Variants in DLGAP2 observed in about 807,000 individuals in gnomAD.
The protein encoded by DLGAP2 is DLG associated protein 2.
Under a neutral mutation model 100.3 loss-of-function variants are expected in DLGAP2, and 26 were observed. The observed-to-expected ratio is 0.26, with a 90% confidence interval of 0.19 to 0.36. The LOEUF is 0.36. Ranked by LOEUF, DLGAP2 falls within the 10% of genes least tolerant of loss-of-function variation. DLGAP2 has a pLI of 1.00. For missense variants in DLGAP2, 1,858 were observed against 1,453.2 expected, an observed-to-expected ratio of 1.28 and a Z score of -4.53; for synonymous variants, 886 against 630.1, an observed-to-expected ratio of 1.41 and a Z score of -6.08.
At chr8:1,249,041 A>C (rs914235803) in intron 2 of DLGAP2, among the ~76,000 whole-genome samples, 1 of 152,194 alleles carries the variant, frequency 6.6e-6, no homozygotes, top group Non-Finnish European at 1.5e-5. Context: ...TGCTGCTGTG[A>C]CATTGAAGAG....
chr8:1,145,299 C>A (rs1009347185), intron 2 of DLGAP2, among the ~76,000 whole-genome samples: 26 of 152,174 alleles, frequency 1.7e-4, no homozygotes, highest in Non-Finnish European at 3.2e-4. Context: ...CAGGAAGCCG[C>A]TGTTTTTAAT....
At chr8:1,287,500 C>G (rs1297238998) in intron 3 of DLGAP2, among the ~76,000 whole-genome samples, 20,881 of 37,866 alleles carry the variant, frequency 0.55, 4,105 homozygotes, top group African/African-American at 0.63. Context: ...GTGTGTGGTT[C>G]TGTTAGGAGG....
At chr8:1,328,473 C>G (rs140117752) in intron 3 of DLGAP2, among the ~76,000 whole-genome samples, 1 of 151,948 alleles carries the variant, frequency 6.6e-6, no homozygotes. Flanking sequence ...TCATGCCTGA[C>G]TAATTTGTGT....
intron 2 of DLGAP2, among the ~76,000 whole-genome samples, chr8:1,127,953 T>C (rs1005334413): frequency 6.6e-6 from 1 of 152,242 alleles, no homozygotes; most frequent in African/African-American, 2.4e-5. Context: ...TGTTCTAAAA[T>C]AGATTCTCAT....
At chr8:1,265,526 G>C (rs1164629062) in intron 3 of DLGAP2, among the ~76,000 whole-genome samples, 1 of 152,208 alleles carries the variant, frequency 6.6e-6, no homozygotes, top group East Asian at 1.9e-4. Flanking sequence ...GGGGAGAAAG[G>C]AGAAGCAGCA....
intron 3 of DLGAP2, among the ~76,000 whole-genome samples, chr8:1,320,696 C>G (rs1800876375): frequency 6.6e-6 from 1 of 152,198 alleles, no homozygotes; most frequent in South Asian, 2.1e-4. Context: ...CCAGCTGCCA[C>G]TTCCCAGCAC....
At chr8:836,013 C>A (rs1160674992) in intron 1 of DLGAP2, among the ~76,000 whole-genome samples, 1 of 152,160 alleles carries the variant, frequency 6.6e-6, no homozygotes. Flanking sequence ...ACTTTTTGTC[C>A]ATGAGTGTGA....
At chr8:863,491 A>G (rs900471899) in intron 1 of DLGAP2, among the ~76,000 whole-genome samples, 13 of 152,192 alleles carry the variant, frequency 8.5e-5, no homozygotes, top group African/African-American at 2.2e-4. Flanking sequence ...CACCACTTGG[A>G]ATTAAAATTT....
intron 1 of DLGAP2, among the ~76,000 whole-genome samples, chr8:795,807 C>T (rs538953173): frequency 1.4e-5 from 2 of 141,580 alleles, no homozygotes; most frequent in African/African-American, 2.7e-5. Context: ...AACAGGCGTC[C>T]GGTGAGAGCA....
chr8:1,074,662 G>A (rs368371917), intron 2 of DLGAP2, among the ~76,000 whole-genome samples: 2 of 152,332 alleles, frequency 1.3e-5, no homozygotes, highest in South Asian at 2.1e-4. Flanking sequence ...GAATTAGGTG[G>A]AAAATGGACC....
At chr8:1,566,533 G>A (rs1040065535) in intron 6 of DLGAP2, among the ~76,000 whole-genome samples, 5 of 152,190 alleles carry the variant, frequency 3.3e-5, no homozygotes, top group African/African-American at 4.8e-5. Context: ...AAGTTAGTTT[G>A]GGTGGTAATG....
intron 3 of DLGAP2, among the ~76,000 whole-genome samples, chr8:1,319,981 G>T (rs767304774): frequency 6.6e-6 from 1 of 152,152 alleles, no homozygotes; most frequent in Non-Finnish European, 1.5e-5. Flanking sequence ...TAACAGGGGT[G>T]GGGGAGAATA....
chr8:1,468,009 AAGAG>A (rs1798672995), intron 3 of DLGAP2, among the ~76,000 whole-genome samples: 1 of 152,242 alleles, frequency 6.6e-6, no homozygotes, highest in African/African-American at 2.4e-5. Flanking sequence ...CTCCTGTTCT[AAGAG>A]AGAATCTTTG....
intron 2 of DLGAP2, among the ~76,000 whole-genome samples, chr8:1,156,609 T>C (rs60068224): frequency 0.07 from 1,018 of 14,590 alleles, 16 homozygotes; most frequent in African/African-American, 0.21. Flanking sequence ...CAGCCTAGCG[T>C]CCCAGCCCAG....
rs985620928 is a variant in DLGAP2 at position 1,692,439 on chromosome 8, C to T, written c.2796+813C>T. Among the ~76,000 whole-genome samples, 7 of 148,004 alleles carry T rather than the reference C, an allele frequency of 4.7e-5. No individual in the cohort carries two copies. In the South Asian group the frequency reaches 6.6e-4, roughly 14 times the overall value. Reference sequence around the variant, plus strand: ...GGCGGATACGGCCCTGGTTTAAACGCGGTACCGAGGCAGGGAGGTGGATAT... The same window carrying T: ...GGCGGATACGGCCCTGGTTTAAACGTGGTACCGAGGCAGGGAGGTGGATAT... On this transcript the variant is annotated intron_variant, in intron 13 of 14. Transcript: ENST00000637795.
At position 919,690 on chromosome 8, in the gene DLGAP2, G is replaced by A. The variant is rs182479220; in HGVS notation, c.73+11724G>A. Among the ~76,000 whole-genome samples, 785 of 152,270 alleles carry A rather than the reference G, an allele frequency of 5.2e-3. 10 individuals carry two copies. Among genetic ancestry groups the A allele is most frequent in the African/African-American group, 0.018 (740 of 41,544 alleles). On this transcript the variant is annotated intron_variant, in intron 2 of 14. Coordinates refer to ENST00000637795, the MANE Select transcript of DLGAP2 (RefSeq NM_001346810.2). ...AGTCCCTGGAGGAAACTGCACCAGGGAAGATGGTCAGAAAGACCAGCCTGC... is the reference window on the plus strand; with the variant it reads ...AGTCCCTGGAGGAAACTGCACCAGGAAAGATGGTCAGAAAGACCAGCCTGC...
At chr8:1,287,745 A>T (rs1799972989) in intron 3 of DLGAP2, among the ~76,000 whole-genome samples, 3 of 67,190 alleles carry the variant, frequency 4.5e-5, no homozygotes, top group African/African-American at 7.1e-5. Context: ...CTGTTAGGGG[A>T]ACTAGTTTTG....
At chr8:985,903 AC>A (rs1361981285) in intron 2 of DLGAP2, among the ~76,000 whole-genome samples, 2 of 148,108 alleles carry the variant, frequency 1.4e-5, no homozygotes, top group Non-Finnish European at 3.0e-5. Flanking sequence ...CCTCGATGAA[AC>A]CCTCTTCCTG....
intron 3 of DLGAP2, among the ~76,000 whole-genome samples, chr8:1,443,845 C>G (rs1416188863): frequency 1.3e-5 from 2 of 152,124 alleles, no homozygotes; most frequent in African/African-American, 4.8e-5. Context: ...GGGACACAGC[C>G]AAACCATGTC....
Sources: gnomAD v4.1 joint callset for allele counts (sites outside exome capture counted in the v4.1 genomes callset) on GRCh38, gnomAD v4.1.1 for gene constraint, MANE v1.5 for transcripts, NCBI Gene and HGNC (gene_info 2026-07-23, HGNC 2026-07-21) for gene names.